Variants in CAMLG observed in about 807,000 individuals in gnomAD.
CAMLG encodes guided entry of tail-anchored proteins factor CAMLG.
Under a neutral mutation model 28.9 loss-of-function variants are expected in CAMLG, and 23 were observed. That is an observed-to-expected ratio of 0.80 (90% CI 0.57 to 1.13). The LOEUF (loss-of-function observed/expected upper bound fraction) is 1.13, where lower values mean the gene tolerates loss of function less well. Among genes scored for constraint, CAMLG ranks in the 50% most tolerant of loss-of-function variants. CAMLG has a pLI of 0.00. For synonymous variants in CAMLG, 141 were observed against 146.5 expected, an observed-to-expected ratio of 0.96 and a Z score of 0.27; for missense variants, 367 against 371.9, an observed-to-expected ratio of 0.99 and a Z score of 0.11.
At chr5:134,745,203 T>TGA (rs1753031710) in intron 3 of CAMLG, among the ~76,000 whole-genome samples, 1 of 150,898 alleles carries the variant, frequency 6.6e-6, no homozygotes, top group African/African-American at 2.4e-5. Flanking sequence ...TTAGGGAGGC[T>TGA]GAGGCAGGTG....
chr5:134,748,727 C>T (rs988763237), intron 3 of CAMLG, among the ~76,000 whole-genome samples: 6 of 152,186 alleles, frequency 3.9e-5, no homozygotes, highest in Non-Finnish European at 7.3e-5. Context: ...CAGTCCCAGT[C>T]CCTATACCCC....
At chr5:134,743,535 A>G (rs1417684364) in intron 2 of CAMLG, among the ~76,000 whole-genome samples, 2 of 151,624 alleles carry the variant, frequency 1.3e-5, no homozygotes, top group East Asian at 3.9e-4. Context: ...GAGCCACTGC[A>G]CTCCAGCCTG....
chr5:134,748,917 A>C (rs1035978517), intron 3 of CAMLG, among the ~76,000 whole-genome samples: 1 of 152,070 alleles, frequency 6.6e-6, no homozygotes, highest in Non-Finnish European at 1.5e-5. Flanking sequence ...GCTCAGTAAT[A>C]CTACATTGTA....
chr5:134,749,773 C>T (rs866621151), intron 3 of CAMLG, among the ~76,000 whole-genome samples: 15 of 152,280 alleles, frequency 9.9e-5, no homozygotes, highest in Non-Finnish European at 1.5e-4. Flanking sequence ...GGCTGGAGTG[C>T]GGTGGTGCAG....
chr5:134,739,437 G>C (rs1200402401), intron 1 of CAMLG, among the ~76,000 whole-genome samples: 1 of 152,186 alleles, frequency 6.6e-6, no homozygotes, highest in Non-Finnish European at 1.5e-5. Context: ...GTGCACACCT[G>C]AGAGTTTCCT....
chr5:134,741,207 A>C lies in CAMLG; in HGVS notation c.317A>C (p.Lys106Thr). The change falls in exon 2 of 4, where the codon AAG becomes ACG. Residue 106 changes from lysine (K) to threonine (T), a missense_variant. By Grantham distance (78) the Lys-to-Thr change is moderately conservative. Transcript: ENST00000297156. The part of the protein sequence containing the change: ...TDQQGGVAEV[K>T]GTQLGDKLDS... ...CAGCAGGGTGGTGTGGCCGAGGTAAAGGGGACCCAACTGGGAGACAAATTG... is the reference window on the plus strand; with the variant it reads ...CAGCAGGGTGGTGTGGCCGAGGTAACGGGGACCCAACTGGGAGACAAATTG... 1.9e-6 allele frequency: 3 copies of C among 1,614,192 alleles called. No individual in the cohort carries two copies. Among genetic ancestry groups the C allele is most frequent in the Non-Finnish European group, 2.5e-6 (3 of 1,180,042 alleles).
At chr5:134,745,639 CT>C (rs1753038502) in intron 3 of CAMLG, among the ~76,000 whole-genome samples, 1 of 151,344 alleles carries the variant, frequency 6.6e-6, no homozygotes. Flanking sequence ...GTAATCCCAG[CT>C]ACTTGGGAGG....
intron 3 of CAMLG, among the ~76,000 whole-genome samples, chr5:134,745,803 G>A (rs1367632339): frequency 2.0e-5 from 3 of 150,198 alleles, no homozygotes; most frequent in South Asian, 4.2e-4. Context: ...TTTTGCAGTA[G>A]CAAAGTTTGG....
At chr5:134,747,242 T>C (rs947852323) in intron 3 of CAMLG, among the ~76,000 whole-genome samples, 1 of 152,208 alleles carries the variant, frequency 6.6e-6, no homozygotes, top group African/African-American at 2.4e-5. Context: ...GTAAAGTTTT[T>C]CCATCAAATT....
chr5:134,750,894 T>C lies in CAMLG; in HGVS notation c.835T>C (p.Phe279Leu), dbSNP rs1753105952. The C allele has an allele frequency of 3.1e-6, 5 of 1,613,980 alleles. No homozygotes were observed. Among genetic ancestry groups the C allele is most frequent in the Non-Finnish European group, 4.2e-6 (5 of 1,180,010 alleles). ...CTTCACAGATCTCTGTGTCTACTTT[T>C]TCACTTTTATCTTTTGTCATGAACT... ...EVFTDLCVYF[F>L]TFIFCHELLD... The change falls in exon 4 of 4, where the codon TTC (phenylalanine) becomes CTC (leucine). Residue 279 changes from phenylalanine to leucine, a missense_variant. By Grantham distance (22) the Phe-to-Leu change is conservative. Coordinates refer to ENST00000297156, the MANE Select transcript of CAMLG (RefSeq NM_001745.4).
intron 3 of CAMLG, among the ~76,000 whole-genome samples, chr5:134,750,265 T>C (rs1267790646): frequency 6.6e-6 from 1 of 152,084 alleles, no homozygotes. Context: ...CTGGGCCAGG[T>C]GCAGTGGCTC....
Position 134,752,058 on chromosome 5 carries a change from A to C in CAMLG, c.*1108A>C, listed in dbSNP as rs1237787815. On this transcript the variant is annotated 3_prime_UTR_variant, in exon 4 of 4. Coordinates refer to ENST00000297156, the MANE Select transcript of CAMLG (RefSeq NM_001745.4). ...TCTTCTTAAAAGAATATAAGACTAA[A>C]GTGTTAATGTCACTTGGTGTTACAT... 6.6e-6 allele frequency: 1 copy of C among 152,208 alleles called. No individual in the cohort carries two copies. The highest frequency in any genetic ancestry group is 1.5e-5 in the Non-Finnish European group (1 of 68,038). 9.4% of individuals were successfully genotyped at this position (152,208 alleles called of 1,614,324 possible). A position where few individuals can be genotyped will look rare whatever the true frequency, so the allele number is the denominator to read the frequency against.
intron 2 of CAMLG, among the ~76,000 whole-genome samples, chr5:134,743,782 C>G (rs1252663411): frequency 6.6e-6 from 1 of 151,984 alleles, no homozygotes; most frequent in Non-Finnish European, 1.5e-5. Flanking sequence ...ACGAGCATCG[C>G]TTGAATCTGG....
chr5:134,744,970 T>C (rs1753028609), intron 3 of CAMLG, among the ~76,000 whole-genome samples: 1 of 152,168 alleles, frequency 6.6e-6, no homozygotes, highest in African/African-American at 2.4e-5. Flanking sequence ...GTGGGAGCTT[T>C]TTGCTGAAAA....
chr5:134,739,931 A>G (rs1469603544), intron 1 of CAMLG, among the ~76,000 whole-genome samples: 1 of 152,150 alleles, frequency 6.6e-6, no homozygotes, highest in Non-Finnish European at 1.5e-5. Flanking sequence ...GCTGGAGTGC[A>G]GTGGCATGAT....
intron 3 of CAMLG, among the ~76,000 whole-genome samples, chr5:134,744,702 T>C (rs1753025152): frequency 6.6e-6 from 1 of 152,202 alleles, no homozygotes; most frequent in Non-Finnish European, 1.5e-5. Flanking sequence ...GTAATTCATT[T>C]TGTCTATAAT....
At chr5:134,749,363 C>T (rs778344497) in intron 3 of CAMLG, among the ~76,000 whole-genome samples, 2 of 151,990 alleles carry the variant, frequency 1.3e-5, no homozygotes, top group African/African-American at 4.8e-5. Context: ...CCGCTGCACC[C>T]GGCCAACTAT....
chr5:134,740,798 C>T (rs1031790495), intron 1 of CAMLG, among the ~76,000 whole-genome samples: 4 of 152,092 alleles, frequency 2.6e-5, no homozygotes, highest in Non-Finnish European at 4.4e-5. Context: ...TTAGTAGAGA[C>T]GGGGTTTCAC....
chr5:134,746,137 C>CAA (rs1156938843), intron 3 of CAMLG, among the ~76,000 whole-genome samples: 1,261 of 76,828 alleles, frequency 0.016, 20 homozygotes, highest in Middle Eastern at 0.05. Flanking sequence ...AACTCCATCT[C>CAA]AAAAAAAAAA....
Sources: allele counts gnomAD v4.1 joint callset (sites outside exome capture counted in the v4.1 genomes callset), GRCh38; gene constraint gnomAD v4.1.1; transcripts MANE v1.5; gene names NCBI Gene and HGNC (gene_info 2026-07-23, HGNC 2026-07-21).